The following LCORL variants were observed in gnomAD, a reference collection of about 807,000 sequenced individuals.
The protein encoded by LCORL is ligand dependent nuclear receptor corepressor like.
Under a neutral mutation model 141.8 loss-of-function variants are expected in LCORL, and 41 were observed. The observed-to-expected ratio is 0.29, with a 90% CI of 0.23 to 0.38. LCORL has a LOEUF of 0.38. Ranked by LOEUF, LCORL falls within the 10% of genes least tolerant of loss-of-function variation. The pLI is 1.00. For synonymous variants in LCORL, 618 were observed against 694.1 expected, an observed-to-expected ratio of 0.89 and a Z score of 1.72; for missense variants, 1,759 against 2,035.0, an observed-to-expected ratio of 0.86 and a Z score of 2.61.
Position 17,916,976 on chromosome 4 carries a change from C to CT in LCORL, c.431-7632dup, listed in dbSNP as rs200394447. On this transcript the variant is annotated intron_variant, in intron 4 of 7. Transcript: ENST00000635767. ...ATAGATTACTCAACCTCAGGTATTT[C>CT]TTTTTTTCTTTTCTTTTCTCGAGAC... Among the ~76,000 whole-genome samples the CT allele has an allele frequency of 2.6e-3, 393 of 151,824 alleles. 3 individuals carry two copies. Among genetic ancestry groups the CT allele is most frequent in the African/African-American group, 8.8e-3 (366 of 41,432 alleles).
At chr4:17,967,788 G>C (rs1331606522) in intron 2 of LCORL, among the ~76,000 whole-genome samples, 1 of 152,072 alleles carries the variant, frequency 6.6e-6, no homozygotes, top group East Asian at 1.9e-4. Context: ...TCAAATATCA[G>C]GTTGGTGCAA....
Position 17,842,250 on chromosome 4 carries a change from A to G in LCORL, c.*3638T>C, listed in dbSNP as rs1039388205. On this transcript the variant is annotated 3_prime_UTR_variant, in exon 8 of 8. Transcript: ENST00000635767. ...AAAGGATTTAGTTAGCCTAGAAACT[A>G]GATTAAAAACAAAAAGCAACTGATA... 1.1e-5 allele frequency: 16 copies of G among 1,430,456 alleles called. No homozygotes were observed. The Admixed American group carries it at 1.5e-4, about 14-fold the overall frequency. 88.6% of individuals were successfully genotyped at this position (1,430,456 alleles called of 1,614,324 possible). A position where few individuals can be genotyped will look rare whatever the true frequency, so the allele number is the denominator to read the frequency against.
At chr4:17,863,038 G>A (rs532294822) in intron 7 of LCORL, among the ~76,000 whole-genome samples, 2 of 152,238 alleles carry the variant, frequency 1.3e-5, no homozygotes, top group African/African-American at 4.8e-5. Flanking sequence ...CAAAGGGGTC[G>A]GGCATGGTGG....
rs889031152 is a variant in LCORL at position 17,895,795 on chromosome 4, C to A, written c.683-9634G>T. 3.3e-5 allele frequency among the ~76,000 whole-genome samples: 5 copies of A among 152,178 alleles called. No individual in the cohort carries two copies. In the East Asian group the frequency reaches 9.6e-4, roughly 29 times the overall value. ...TCTAAACATTTCATACAAATAGAAT[C>A]ATATATTTGGTCTTTTTTGACTGGC... On this transcript the variant is annotated intron_variant, in intron 5 of 7. Transcript: ENST00000635767.
At chr4:18,012,833 A>C (rs956802226) in intron 1 of LCORL, among the ~76,000 whole-genome samples, 12 of 152,222 alleles carry the variant, frequency 7.9e-5, no homozygotes, top group Non-Finnish European at 1.6e-4. Context: ...CTGATACAGA[A>C]AAGTATTCCC....
intron 4 of LCORL, among the ~76,000 whole-genome samples, chr4:17,911,454 G>A (rs1489253145): frequency 1.3e-5 from 2 of 152,178 alleles, no homozygotes; most frequent in Non-Finnish European, 2.9e-5. Context: ...ACATCAGTCT[G>A]AAAACATCCA....
At chr4:17,885,208 A>G (rs1278081960) in intron 6 of LCORL, among the ~76,000 whole-genome samples, 1 of 151,990 alleles carries the variant, frequency 6.6e-6, no homozygotes, top group Non-Finnish European at 1.5e-5. Context: ...AGCAGCAGGA[A>G]TATTTCCAAA....
At chr4:17,891,450 A>G (rs1266253638) in intron 5 of LCORL, among the ~76,000 whole-genome samples, 1 of 152,120 alleles carries the variant, frequency 6.6e-6, no homozygotes, top group Non-Finnish European at 1.5e-5. Context: ...ATTTAACATA[A>G]AAAAGGTTCT....
chr4:17,906,033 C>T (rs968340532), intron 5 of LCORL, among the ~76,000 whole-genome samples: 4 of 152,164 alleles, frequency 2.6e-5, no homozygotes, highest in African/African-American at 9.7e-5. Context: ...CAATAAGATA[C>T]TGGCAGTGAA....
exon 7 of LCORL, chr4:17,873,880 C>T: frequency 8.1e-7 from 1 of 1,233,960 alleles, no homozygotes; most frequent in Non-Finnish European, 1.0e-6. Flanking sequence ...TTTTGAAAGT[C>T]TTTTTGGCTG....
chr4:17,883,518 A>G, intron 6 of LCORL: 1 of 1,312,478 alleles, frequency 7.6e-7, no homozygotes, highest in Non-Finnish European at 9.7e-7. Flanking sequence ...AATTCTGTCC[A>G]CAGTGAAAAC....
In LCORL at chr4:18,021,446, G is replaced by T. The variant is rs1725562934; in HGVS notation, c.154+152C>A. The T allele has an allele frequency of 1.6e-6, 1 of 614,892 alleles. No homozygotes were observed. The highest frequency in any genetic ancestry group is 2.6e-6 in the Non-Finnish European group (1 of 388,132). 38.1% of individuals were successfully genotyped at this position (614,892 alleles called of 1,614,324 possible). A position where few individuals can be genotyped will look rare whatever the true frequency, so the allele number is the denominator to read the frequency against. Reference sequence around the variant, plus strand: ...GCAGCCCGCAAGACAAAAGGCGAGCGCCGGGGCCGCCGCGCCGCGCCGCTC... The same window carrying T: ...GCAGCCCGCAAGACAAAAGGCGAGCTCCGGGGCCGCCGCGCCGCGCCGCTC... On this transcript the variant is annotated intron_variant, in intron 1 of 7. Transcript: ENST00000635767. The surrounding 1 kb of genome is among the most constrained non-coding windows in gnomAD (Gnocchi z 5.5).
chr4:17,882,897 C>T (rs1560285634), intron 6 of LCORL: 1 of 961,376 alleles, frequency 1.0e-6, no homozygotes, highest in African/African-American at 1.8e-5. Context: ...TCTAACCTTA[C>T]ACATTAGCTT....
chr4:17,900,200 T>C (rs1373724595), intron 5 of LCORL, among the ~76,000 whole-genome samples: 1 of 152,116 alleles, frequency 6.6e-6, no homozygotes, highest in African/African-American at 2.4e-5. Context: ...AAAATGACAT[T>C]CTTTACAAAA....
intron 4 of LCORL, among the ~76,000 whole-genome samples, chr4:17,914,946 T>C (rs977716694): frequency 3.9e-5 from 6 of 152,212 alleles, no homozygotes; most frequent in Admixed American, 3.9e-4. Flanking sequence ...GGGTGGTCTG[T>C]GTAACCAATA....
chr4:17,961,114 G>GA (rs1377131665), intron 4 of LCORL, among the ~76,000 whole-genome samples: 1 of 152,052 alleles, frequency 6.6e-6, no homozygotes, highest in Admixed American at 6.6e-5. Flanking sequence ...AGTAGATGAT[G>GA]ACAATATGGT....
At chr4:18,009,173 T>C (rs1172271659) in intron 1 of LCORL, among the ~76,000 whole-genome samples, 1 of 152,078 alleles carries the variant, frequency 6.6e-6, no homozygotes, top group African/African-American at 2.4e-5. Context: ...GCACAAGTAC[T>C]TCATTTCCTA....
chr4:17,999,354 T>C (rs966662550), intron 1 of LCORL, among the ~76,000 whole-genome samples: 1 of 151,064 alleles, frequency 6.6e-6, no homozygotes, highest in Non-Finnish European at 1.5e-5. Flanking sequence ...CTCGGGAGGC[T>C]GAGGCAGGAC....
In LCORL at chr4:17,898,787, C is replaced by T. The variant is rs1730397628; in HGVS notation, c.682+10307G>A. Among the ~76,000 whole-genome samples the T allele has an allele frequency of 2.6e-5, 4 of 151,960 alleles. No homozygotes were observed. In the South Asian group the frequency reaches 8.3e-4, roughly 32 times the overall value. On this transcript the variant is annotated intron_variant, in intron 5 of 7. Transcript: ENST00000635767. ...TACAATTAATGTCCCAGTGAATCAC[C>T]CTGAATGCATATCATTCCATATTTG...
Sources: allele counts gnomAD v4.1 joint callset (sites outside exome capture counted in the v4.1 genomes callset), GRCh38; gene constraint gnomAD v4.1.1; non-coding constraint Gnocchi (gnomAD v3.1); transcripts MANE v1.5; gene names NCBI Gene and HGNC (gene_info 2026-07-23, HGNC 2026-07-21).